The following PCDHGA4 variants were observed in gnomAD, a reference collection of about 807,000 sequenced individuals.
PCDHGA4 encodes the protein protocadherin gamma subfamily A, 4, also known as protocadherin gamma-A4.
PCDHGA4 carries 38 observed loss-of-function variants against 54.6 expected under a neutral mutation model. The observed-to-expected ratio is 0.70, with a 90% CI of 0.54 to 0.91. The LOEUF (loss-of-function observed/expected upper bound fraction) is 0.91. Among genes scored for constraint, PCDHGA4 ranks in the 40% least tolerant of loss-of-function variants. The pLI, the probability that PCDHGA4 is intolerant of heterozygous loss-of-function variation, is 0.00. For synonymous variants in PCDHGA4, 511 were observed against 512.9 expected (o/e 1.00, Z 0.05); for missense variants, 1,298 against 1,220.9 (o/e 1.06, Z -0.94).
intron 1 of PCDHGA4, among the ~76,000 whole-genome samples, chr5:141,424,923 T>C (rs1428936860): frequency 6.6e-6 from 1 of 152,186 alleles, no homozygotes; most frequent in African/African-American, 2.4e-5. Flanking sequence ...CCATAATCAA[T>C]TCAGTCAACA....
At chr5:141,446,263 C>T (rs2098496356) in intron 1 of PCDHGA4, among the ~76,000 whole-genome samples, 1 of 152,010 alleles carries the variant, frequency 6.6e-6, no homozygotes, top group East Asian at 1.9e-4. Flanking sequence ...ATATTATTAA[C>T]TGAATAAATA....
chr5:141,449,528 G>C (rs1298713821), intron 1 of PCDHGA4, among the ~76,000 whole-genome samples: 1 of 149,040 alleles, frequency 6.7e-6, no homozygotes, highest in African/African-American at 2.5e-5. Context: ...GGCGGAGGTT[G>C]CAGTGAGCCG....
chr5:141,419,831 G>A, intron 1 of PCDHGA4: 5 of 1,614,048 alleles, frequency 3.1e-6, no homozygotes, highest in Non-Finnish European at 4.2e-6. Context: ...TTCAGCCACT[G>A]CCACGCTGCA....
At chr5:141,394,226 C>CT (rs771492563) in intron 1 of PCDHGA4, 132 of 1,613,834 alleles carry the variant, frequency 8.2e-5, no homozygotes, top group Non-Finnish European at 1.1e-4. Context: ...GAGCCTCCAT[C>CT]TTTTCCTTGA....
At position 141,432,025 on chromosome 5, in the gene PCDHGA4, G is replaced by C. The variant is rs768627576; in HGVS notation, c.2515-62782G>C. 2 of 1,614,158 alleles carry C rather than the reference G, an allele frequency of 1.2e-6. No homozygotes were observed. The highest frequency in any genetic ancestry group is 3.3e-4 in the Middle Eastern group (2 of 6,062). ...AGGTTCCTAGCTACAACATCACAGTGACCGCCACTGACCGGGGAACCCCGC... is the reference window on the plus strand; with the variant it reads ...AGGTTCCTAGCTACAACATCACAGTCACCGCCACTGACCGGGGAACCCCGC... On this transcript the variant is annotated intron_variant, in intron 1 of 3. Transcript: ENST00000571252. The surrounding 1 kb of genome is among the most constrained non-coding windows in gnomAD (Gnocchi z 6.0).
chr5:141,435,890 A>G (rs2097784923), intron 1 of PCDHGA4, among the ~76,000 whole-genome samples: 1 of 152,176 alleles, frequency 6.6e-6, no homozygotes, highest in Non-Finnish European at 1.5e-5. Context: ...AACCCCTTAG[A>G]GAATGAAAGA....
At chr5:141,451,302 G>A (rs1445994098) in intron 1 of PCDHGA4, among the ~76,000 whole-genome samples, 1 of 152,208 alleles carries the variant, frequency 6.6e-6, no homozygotes, top group Non-Finnish European at 1.5e-5. Context: ...GTCTTACAAG[G>A]CAGCAATTAA....
rs1057108915 is a variant in PCDHGA4 at position 141,511,366 on chromosome 5, T to C, written c.*193T>C. The C allele has an allele frequency of 3.8e-6, 5 of 1,306,414 alleles. No individual in the cohort carries two copies. In the Admixed American group the frequency reaches 8.4e-5, roughly 22 times the overall value. The allele number at this position is 1,306,414 out of a possible 1,614,324, so 80.9% of individuals were successfully genotyped here. A position where few individuals can be genotyped will look rare whatever the true frequency, so the allele number is the denominator to read the frequency against. On this transcript the variant is annotated 3_prime_UTR_variant, in exon 4 of 4. Transcript: ENST00000571252. ...CCCTTCCCCCCCAGGGGGTTGAATA[T>C]GCAAAAGCAGTTCCGCTGGGAACCC...
intron 1 of PCDHGA4, among the ~76,000 whole-genome samples, chr5:141,358,236 T>C (rs1225298573): frequency 1.3e-5 from 2 of 152,182 alleles, no homozygotes; most frequent in African/African-American, 2.4e-5. Flanking sequence ...AATTTCCTTT[T>C]CTCTTAGGTG....
intron 1 of PCDHGA4, chr5:141,410,800 T>A: frequency 1.5e-6 from 1 of 678,550 alleles, no homozygotes; most frequent in Non-Finnish European, 2.2e-6. Context: ...TAAGTTGCTC[T>A]ATCTTTTTGT....
intron 1 of PCDHGA4, chr5:141,365,265 C>T: frequency 1.2e-6 from 2 of 1,613,964 alleles, no homozygotes; most frequent in African/African-American, 1.3e-5. Context: ...TATGAAGAAT[C>T]CAGATTCTAC....
chr5:141,360,601 C>A, intron 1 of PCDHGA4: 1 of 1,613,928 alleles, frequency 6.2e-7, no homozygotes, highest in Non-Finnish European at 8.5e-7. Context: ...TCCACTTGAC[C>A]CAGCCCTGGA....
At chr5:141,423,193 T>A in intron 1 of PCDHGA4, 2 of 1,613,564 alleles carry the variant, frequency 1.2e-6, no homozygotes, top group Non-Finnish European at 1.7e-6. Context: ...GCCCCCTCTC[T>A]CGGCCACCGT....
Position 141,476,559 on chromosome 5 carries a change from T to C in PCDHGA4, c.2515-18248T>C. The stretch of plus-strand genomic sequence containing the variant: ...ATGAAATTGGAGATTAGCGAGGCCG[T>C]GGCTCCGGGGACGCGCTTTCCGCTC... On this transcript the variant is annotated intron_variant, in intron 1 of 3. Coordinates refer to ENST00000571252, the MANE Select transcript of PCDHGA4 (RefSeq NM_018917.4). This position sits in a 1 kb window ranked among gnomAD's most constrained non-coding sequence, Gnocchi z 7.6. 4 of 1,614,228 alleles carry C rather than the reference T, an allele frequency of 2.5e-6. No homozygotes were observed. Among genetic ancestry groups the C allele is most frequent in the Non-Finnish European group, 3.4e-6 (4 of 1,180,036 alleles).
chr5:141,434,870 C>G (rs1263324193), intron 1 of PCDHGA4, among the ~76,000 whole-genome samples: 3 of 151,726 alleles, frequency 2.0e-5, no homozygotes, highest in Non-Finnish European at 1.5e-5. Flanking sequence ...ATATATGTGA[C>G]AGATACCAAC....
At position 141,511,124 on chromosome 5, in the gene PCDHGA4, C is replaced by G; in HGVS notation, c.2840C>G (p.Ala947Gly). 1.9e-6 allele frequency: 3 copies of G among 1,614,206 alleles called. No individual in the cohort carries two copies. Among genetic ancestry groups the G allele is most frequent in the Non-Finnish European group, 2.5e-6 (3 of 1,180,022 alleles). The change falls in exon 4 of 4, where the codon GCA (alanine) becomes GGA (glycine). Residue 947 changes from alanine to glycine, a missense_variant. Transcript: ENST00000571252. ...AAGKRDGKAP[A>G]GGNGNKKKSG... ...GGCAAGCGGGATGGCAAGGCCCCAG[C>G]AGGTGGCAATGGCAACAAGAAGAAG...
At chr5:141,366,287 C>A (rs746594585) in intron 1 of PCDHGA4, 1 of 1,613,736 alleles carries the variant, frequency 6.2e-7, no homozygotes, top group African/African-American at 1.3e-5. Context: ...TGGCCAGCCC[C>A]CTCTGTCAGC....
At chr5:141,413,148 CTT>C (rs2095608671) in intron 1 of PCDHGA4, 2 of 1,570,414 alleles carry the variant, frequency 1.3e-6, no homozygotes, top group South Asian at 1.2e-5. Flanking sequence ...CCAGTGAGGA[CTT>C]TGCAGAATTC....
In PCDHGA4 at chr5:141,431,627, C is replaced by T. The variant is rs769351473; in HGVS notation, c.2515-63180C>T. 2.5e-6 allele frequency: 4 copies of T among 1,614,076 alleles called. No homozygotes were observed. The South Asian group carries it at 4.4e-5, about 18-fold the overall frequency. On this transcript the variant is annotated intron_variant, in intron 1 of 3. Coordinates refer to ENST00000571252, the MANE Select transcript of PCDHGA4 (RefSeq NM_018917.4). The surrounding 1 kb of genome is among the most constrained non-coding windows in gnomAD (Gnocchi z 4.8). Reference sequence around the variant, plus strand: ...CCGGTATGTGGACGACAAGGCGGCCCAAGTTTTCAAACTAGATTGTAATTC... The same window carrying T: ...CCGGTATGTGGACGACAAGGCGGCCTAAGTTTTCAAACTAGATTGTAATTC...
Sources: gnomAD v4.1 joint callset for allele counts (sites outside exome capture counted in the v4.1 genomes callset) on GRCh38, gnomAD v4.1.1 for gene constraint, Gnocchi (gnomAD v3.1) non-coding constraint, MANE v1.5 for transcripts, NCBI Gene and HGNC (gene_info 2026-07-23, HGNC 2026-07-21) for gene names.